Variants in PTGR2 observed in about 807,000 individuals in gnomAD.
PTGR2 encodes prostaglandin reductase 2.
Under a neutral mutation model 43.4 loss-of-function variants are expected in PTGR2, and 32 were observed. That is an observed-to-expected ratio of 0.74 (90% CI 0.56 to 0.99). The LOEUF (loss-of-function observed/expected upper bound fraction) is 0.99, where lower values mean the gene tolerates loss of function less well. PTGR2 is among the 50% of genes least tolerant of loss of function. PTGR2 has a pLI of 0.00. For synonymous variants in PTGR2, 106 were observed against 139.2 expected (o/e 0.76, Z 1.68); for missense variants, 373 against 420.0 (o/e 0.89, Z 0.98).
At chr14:73,875,921 A>C (rs1458745821) in intron 4 of PTGR2, among the ~76,000 whole-genome samples, 1 of 145,648 alleles carries the variant, frequency 6.9e-6, no homozygotes, top group Non-Finnish European at 1.5e-5. Flanking sequence ...TCCCAGGTTC[A>C]AACAATTCTC....
rs1049071232 is a variant in PTGR2, at chr14:73,855,373, T to C, written c.-48+3430T>C. On this transcript the variant is annotated intron_variant, in intron 1 of 9. Transcript: ENST00000555661. Reference sequence around the variant, plus strand: ...ACAGACGATGAGCCTCCCATAACATTATAATGGAATTGAAAAATTCCTCTT... The same window carrying C: ...ACAGACGATGAGCCTCCCATAACATCATAATGGAATTGAAAAATTCCTCTT... Among the ~76,000 whole-genome samples, 5 of 152,174 alleles carry C rather than the reference T, an allele frequency of 3.3e-5. No homozygotes were observed. The East Asian group carries it at 9.6e-4, about 29-fold the overall frequency.
rs771107335 is a variant in PTGR2, at chr14:73,880,129, G to A, written c.804G>A (p.Pro268=). 24 of 1,613,650 alleles carry A rather than the reference G, an allele frequency of 1.5e-5. No homozygotes were observed. Among genetic ancestry groups the A allele is most frequent in the East Asian group, 4.5e-5 (2 of 44,866 alleles). ...QYNKDVPYPP[P]LSPAIEAIQK... The stretch of plus-strand genomic sequence containing the variant: ...ACAAAGATGTGCCTTATCCTCCCCC[G>A]CTATCCCCTGCTATAGAGGCAATCC... The change falls in exon 7 of 10, where the codon CCG becomes CCA. Residue 268 remains proline (P), a synonymous_variant. Transcript: ENST00000555661.
chr14:73,878,378 A>C (rs1192931622), intron 5 of PTGR2: 1 of 152,114 alleles, frequency 6.6e-6, no homozygotes, highest in Admixed American at 6.6e-5. Flanking sequence ...CTTTGATTTT[A>C]TATTTTTCAA....
intron 5 of PTGR2, 92 bp downstream of exon 5, chr14:73,877,260 A>G: frequency 8.5e-7 from 1 of 1,180,086 alleles, no homozygotes; most frequent in Non-Finnish European, 1.2e-6. Context: ...ACCATTAAAA[A>G]TATAAAATTG....
At chr14:73,876,553 C>G (rs1240169145) in intron 4 of PTGR2, among the ~76,000 whole-genome samples, 1 of 142,944 alleles carries the variant, frequency 7.0e-6, no homozygotes, top group East Asian at 2.2e-4. Flanking sequence ...ATGATCTCAG[C>G]TCACTGCAAC....
chr14:73,857,032 G>A (rs941112340), intron 1 of PTGR2, among the ~76,000 whole-genome samples: 12 of 152,110 alleles, frequency 7.9e-5, no homozygotes, highest in Admixed American at 2.0e-4. Context: ...AGCACTTTGG[G>A]AGGTCGAGAT....
chr14:73,882,299 A>C, intron 8 of PTGR2, 100 bp from the exon 9 acceptor site: 1 of 709,016 alleles, frequency 1.4e-6, no homozygotes, highest in Non-Finnish European at 2.4e-6. Flanking sequence ...ATTTTTAGAC[A>C]AAGTGCTAAA....
At chr14:73,883,185 T>G (rs143995435) in intron 9 of PTGR2, among the ~76,000 whole-genome samples, 11 of 88,888 alleles carry the variant, frequency 1.2e-4, no homozygotes, top group Non-Finnish European at 1.9e-4. Flanking sequence ...TCCCCTCACC[T>G]CCCTTTTTTT....
intron 9 of PTGR2, among the ~76,000 whole-genome samples, chr14:73,883,839 A>G (rs2055062470): frequency 6.6e-6 from 1 of 152,150 alleles, no homozygotes; most frequent in African/African-American, 2.4e-5. Flanking sequence ...AGATACTGTA[A>G]ACAATGAACA....
rs1195276829 is a variant in PTGR2 at position 73,882,799 on chromosome 14, CCTTTTTTTTTTTTTTTT to C, written c.979+362_979+378del. On this transcript the variant is annotated intron_variant, in intron 9 of 9. Transcript: ENST00000555661. ...ACAAGCGTGAGCCACCACGCCTGGC[CCTTTTTTTTTTTTTTTT>C]TTTTTTTTTTTTTTTTTTTTTTGAG... Among the ~76,000 whole-genome samples the C allele has an allele frequency of 1.5e-3, 160 of 104,204 alleles. 3 individuals are homozygous for C. Among genetic ancestry groups the C allele is most frequent in the African/African-American group, 5.5e-3 (154 of 27,840 alleles). 68.4% of individuals were successfully genotyped at this position (104,204 alleles called of 152,430 possible). A position where few individuals can be genotyped will look rare whatever the true frequency, so the allele number is the denominator to read the frequency against.
chr14:73,876,916 C>T, intron 4 of PTGR2, 82 bp from the exon 5 acceptor site: 1 of 992,872 alleles, frequency 1.0e-6, no homozygotes, highest in Non-Finnish European at 1.5e-6. Flanking sequence ...GGACGCAATT[C>T]AGTCCATAAC....
intron 4 of PTGR2, chr14:73,874,734 T>C: frequency 2.7e-6 from 1 of 368,956 alleles, no homozygotes; most frequent in Non-Finnish European, 5.4e-6. Context: ...TTGGGGGAAA[T>C]GGCAACAAAA....
At chr14:73,881,772 CTTTTTTTTTTTTTTTT>C (rs57377878) in intron 8 of PTGR2, among the ~76,000 whole-genome samples, 3 of 69,240 alleles carry the variant, frequency 4.3e-5, no homozygotes, top group East Asian at 6.0e-4. Flanking sequence ...CTAGGCTATT[CTTTTTTTTTTTTTTTT>C]TTTTTTTTTT....
chr14:73,877,461 T>G (rs1463953066), intron 5 of PTGR2: 4 of 186,256 alleles, frequency 2.1e-5, no homozygotes, highest in Non-Finnish European at 1.1e-5. Flanking sequence ...GATGGGGTTT[T>G]GCCATGTTGG....
In PTGR2 at chr14:73,879,090, C is replaced by A. The variant is rs1324128863; in HGVS notation, c.520-6C>A. 6.2e-7 allele frequency: 1 copy of A among 1,612,474 alleles called. No individual in the cohort carries two copies. The highest frequency in any genetic ancestry group is 8.5e-7 in the Non-Finnish European group (1 of 1,178,896). Reference sequence around the variant, plus strand: ...AAGCCATTTAATCTTCAAATTTCCCCCCTAGATTGGCCATTTCTTAGGTTG... The same window carrying A: ...AAGCCATTTAATCTTCAAATTTCCCACCTAGATTGGCCATTTCTTAGGTTG... On this transcript the variant is annotated splice_polypyrimidine_tract_variant and splice_region_variant and intron_variant, in intron 5 of 9. Coordinates refer to ENST00000555661, the MANE Select transcript of PTGR2 (RefSeq NM_001146154.2).
chr14:73,879,488 G>C (rs72723749), intron 6 of PTGR2, 183 bp downstream of exon 6: 8,373 of 544,396 alleles, frequency 0.015, 117 homozygotes, highest in East Asian at 0.04. Flanking sequence ...TTTACTTGCA[G>C]ATTTGTACTA....
Position 73,883,001 on chromosome 14 carries a change from A to G in PTGR2, c.979+563A>G, listed in dbSNP as rs566040974. Among the ~76,000 whole-genome samples the G allele has an allele frequency of 2.7e-5, 4 of 148,338 alleles. No homozygotes were observed. The South Asian group carries it at 8.5e-4, about 32-fold the overall frequency. On this transcript the variant is annotated intron_variant, in intron 9 of 9. Transcript: ENST00000555661. ...ATGCCTGGCTAATTTTTGTATTTTT[A>G]GTAGAGACAGGGTTTCAACATATTG...
At chr14:73,867,345 C>T (rs1047983371) in intron 3 of PTGR2, among the ~76,000 whole-genome samples, 1 of 151,932 alleles carries the variant, frequency 6.6e-6, no homozygotes, top group Non-Finnish European at 1.5e-5. Context: ...ACTGCATGAG[C>T]CAATACCTTA....
At chr14:73,857,513 C>A (rs998264989) in intron 1 of PTGR2, among the ~76,000 whole-genome samples, 2 of 151,758 alleles carry the variant, frequency 1.3e-5, no homozygotes, top group Non-Finnish European at 2.9e-5. Flanking sequence ...ACTTGGGAAG[C>A]TGAGGCAGGA....
Sources: gnomAD v4.1 joint callset for allele counts (sites outside exome capture counted in the v4.1 genomes callset) on GRCh38, gnomAD v4.1.1 for gene constraint, MANE v1.5 for transcripts, NCBI Gene and HGNC (gene_info 2026-07-23, HGNC 2026-07-21) for gene names.